Variants in PRICKLE1 observed in about 807,000 individuals in gnomAD.
PRICKLE1 encodes the protein prickle planar cell polarity protein 1.
In PRICKLE1, 14 loss-of-function variants were observed where a neutral mutation model predicts 70.2. The observed-to-expected ratio is 0.20, with a 90% CI of 0.13 to 0.31. The LOEUF is 0.31. PRICKLE1 is among the 10% of genes least tolerant of loss of function. The pLI is 1.00. For missense variants in PRICKLE1, 821 were observed against 1,026.2 expected (o/e 0.80, Z 2.73); for synonymous variants, 357 against 379.9 (o/e 0.94, Z 0.70).
chr12:42,572,192 G>C (rs1375015335), intron 1 of PRICKLE1, among the ~76,000 whole-genome samples: 1 of 152,074 alleles, frequency 6.6e-6, no homozygotes, highest in Non-Finnish European at 1.5e-5. Context: ...CCAGCACTTT[G>C]GGAGGCCGAG....
chr12:42,510,340 C>T (rs1373877885), intron 1 of PRICKLE1, among the ~76,000 whole-genome samples: 17 of 151,958 alleles, frequency 1.1e-4, no homozygotes, highest in African/African-American at 4.1e-4. Flanking sequence ...GTGATCCACC[C>T]GCCTCTGCCT....
chr12:42,580,366 T>C (rs1244250929), intron 1 of PRICKLE1, among the ~76,000 whole-genome samples: 1 of 152,164 alleles, frequency 6.6e-6, no homozygotes, highest in African/African-American at 2.4e-5. Flanking sequence ...TCTGTCAACC[T>C]CCAGATATGT....
At chr12:42,517,446 G>A (rs910937704) in intron 1 of PRICKLE1, among the ~76,000 whole-genome samples, 9 of 151,658 alleles carry the variant, frequency 5.9e-5, no homozygotes, top group African/African-American at 2.2e-4. Flanking sequence ...CTGAGTAGCT[G>A]GGACTACAGG....
At chr12:42,542,502 T>A (rs1159709236) in intron 1 of PRICKLE1, among the ~76,000 whole-genome samples, 2 of 151,914 alleles carry the variant, frequency 1.3e-5, no homozygotes, top group East Asian at 3.9e-4. Flanking sequence ...AATACAAAAC[T>A]TGGCTGAGTG....
At chr12:42,461,526 A>G (rs1937835223) in intron 7 of PRICKLE1, among the ~76,000 whole-genome samples, 1 of 152,224 alleles carries the variant, frequency 6.6e-6, no homozygotes, top group Admixed American at 6.5e-5. Flanking sequence ...CTACAGTGGC[A>G]GAGCTAAGTA....
intron 1 of PRICKLE1, among the ~76,000 whole-genome samples, chr12:42,588,025 G>C (rs1049510763): frequency 6.6e-6 from 1 of 152,112 alleles, no homozygotes; most frequent in Admixed American, 6.5e-5. Context: ...CTCCCAAGGG[G>C]CTAGAGTCCA....
chr12:42,522,660 C>T lies in PRICKLE1; in HGVS notation c.-48-50096G>A, dbSNP rs866108371. On this transcript the variant is annotated intron_variant, in intron 1 of 7. Transcript: ENST00000345127. ...CATTAACGTACTTTTCCTTAGTATC[C>T]TATGTGGCACTTTGCTATGAGAAAT... Among the ~76,000 whole-genome samples the T allele has an allele frequency of 3.3e-5, 5 of 152,222 alleles. No homozygotes were observed. The South Asian group carries it at 1.0e-3, about 32-fold the overall frequency.
chr12:42,553,374 G>A (rs909822866), intron 1 of PRICKLE1, among the ~76,000 whole-genome samples: 46 of 151,974 alleles, frequency 3.0e-4, no homozygotes, highest in African/African-American at 1.1e-3. Flanking sequence ...AACCGGGGAG[G>A]CAGAGCTTGC....
chr12:42,589,000 C>G (rs754716765), intron 1 of PRICKLE1, among the ~76,000 whole-genome samples: 7 of 152,106 alleles, frequency 4.6e-5, no homozygotes, highest in Non-Finnish European at 1.0e-4. Context: ...TGATTCGCCT[C>G]TGCCAAAAAG....
At chr12:42,529,565 A>C (rs1939871537) in intron 1 of PRICKLE1, among the ~76,000 whole-genome samples, 1 of 152,214 alleles carries the variant, frequency 6.6e-6, no homozygotes, top group African/African-American at 2.4e-5. Flanking sequence ...AGTTTTGCTT[A>C]GTGAGGGCAG....
chr12:42,507,182 T>C (rs1190102449), intron 1 of PRICKLE1, among the ~76,000 whole-genome samples: 1 of 152,168 alleles, frequency 6.6e-6, no homozygotes, highest in Non-Finnish European at 1.5e-5. Flanking sequence ...CTGTTGAAAC[T>C]TGAAGGCTGC....
At chr12:42,474,795 GC>G (rs749089867) in intron 1 of PRICKLE1, among the ~76,000 whole-genome samples, 1 of 152,094 alleles carries the variant, frequency 6.6e-6, no homozygotes. Flanking sequence ...ATGAACATCT[GC>G]CCCCTGCTAA....
chr12:42,512,122 C>A (rs1405022739), intron 1 of PRICKLE1, among the ~76,000 whole-genome samples: 2 of 150,166 alleles, frequency 1.3e-5, no homozygotes, highest in African/African-American at 2.5e-5. Context: ...GGTCCCATTA[C>A]AAAAAAAAAA....
At chr12:42,562,726 A>T (rs1473780523) in intron 1 of PRICKLE1, among the ~76,000 whole-genome samples, 2 of 152,220 alleles carry the variant, frequency 1.3e-5, no homozygotes, top group South Asian at 2.1e-4. Flanking sequence ...TGTGAATATT[A>T]TCTGAAGAGT....
Position 42,497,116 on chromosome 12 carries a change from C to T in PRICKLE1, c.-48-24552G>A, listed in dbSNP as rs188475624. ...GAGAGATGTGTGCCTCTTCCTTTCA[C>T]TTGAACACACAGGCCACTGTAGGGA... is the stretch of plus-strand genomic sequence containing the variant. On this transcript the variant is annotated intron_variant, in intron 1 of 7. Transcript: ENST00000345127. Among the ~76,000 whole-genome samples the T allele has an allele frequency of 2.6e-5, 4 of 152,262 alleles. No homozygotes were observed. The East Asian group carries it at 7.7e-4, about 29-fold the overall frequency.
chr12:42,480,745 G>T (rs1938763701), intron 1 of PRICKLE1, among the ~76,000 whole-genome samples: 1 of 152,176 alleles, frequency 6.6e-6, no homozygotes, highest in Non-Finnish European at 1.5e-5. Context: ...GTGAAGAGTG[G>T]ACGGTTTTGC....
intron 1 of PRICKLE1, among the ~76,000 whole-genome samples, chr12:42,501,508 C>CAAAAAA (rs879927442): frequency 4.5e-4 from 25 of 55,658 alleles, no homozygotes; most frequent in Non-Finnish European, 5.0e-4. Flanking sequence ...GACTCCATCT[C>CAAAAAA]AAAAAAAAAA....
At position 42,565,347 on chromosome 12, in the gene PRICKLE1, C is replaced by T. The variant is rs568493284; in HGVS notation, c.-49+24118G>A. ...GAAGGATCTGGGGTCCCATTAAGAA[C>T]CAAGAAACTTAAGAAAGTACTTCTC... On this transcript the variant is annotated intron_variant, in intron 1 of 7. Transcript: ENST00000345127. 2.6e-4 allele frequency among the ~76,000 whole-genome samples: 40 copies of T among 152,298 alleles called. No individual in the cohort carries two copies. The South Asian group carries it at 5.6e-3, about 21-fold the overall frequency.
At position 42,536,860 on chromosome 12, in the gene PRICKLE1, A is replaced by G. The variant is rs116589045; in HGVS notation, c.-49+52605T>C. ...CATAGTTTTTGCTCCATTTGCTATG[A>G]GGACTCATTAAGTTTCATGTTCATA... is the stretch of plus-strand genomic sequence containing the variant. On this transcript the variant is annotated intron_variant, in intron 1 of 7. Coordinates refer to ENST00000345127, the MANE Select transcript of PRICKLE1 (RefSeq NM_153026.3). Among the ~76,000 whole-genome samples, 424 of 152,262 alleles carry G rather than the reference A, an allele frequency of 2.8e-3. 1 individual carries two copies. Among genetic ancestry groups the G allele is most frequent in the African/African-American group, 9.1e-3 (378 of 41,542 alleles).
Sources: allele counts gnomAD v4.1 joint callset (sites outside exome capture counted in the v4.1 genomes callset), GRCh38; gene constraint gnomAD v4.1.1; transcripts MANE v1.5; gene names NCBI Gene and HGNC (gene_info 2026-07-23, HGNC 2026-07-21).